Variants in CDK6 observed in about 807,000 individuals in gnomAD.
CDK6 encodes cyclin-dependent kinase 6.
Under a neutral mutation model 37.1 loss-of-function variants are expected in CDK6, and 6 were observed. That is an observed-to-expected ratio of 0.16 (90% CI 0.09 to 0.32). The LOEUF is 0.32. Among genes scored for constraint, CDK6 ranks in the 10% least tolerant of loss-of-function variants. The pLI is 1.00. For missense variants in CDK6, 224 were observed against 418.9 expected (o/e 0.53, Z 4.06); for synonymous variants, 160 against 161.3 (o/e 0.99, Z 0.06).
At chr7:92,753,099 G>A (rs1437527821) in intron 3 of CDK6, among the ~76,000 whole-genome samples, 2 of 151,858 alleles carry the variant, frequency 1.3e-5, no homozygotes, top group Admixed American at 1.3e-4. Context: ...ACCTTATTAA[G>A]TTATTAAATT....
At chr7:92,721,598 C>T (rs897750766) in intron 4 of CDK6, among the ~76,000 whole-genome samples, 1 of 152,152 alleles carries the variant, frequency 6.6e-6, no homozygotes, top group African/African-American at 2.4e-5. Context: ...CCCAATACCC[C>T]ATAAAGACAC....
intron 4 of CDK6, among the ~76,000 whole-genome samples, chr7:92,701,381 C>T (rs574862839): frequency 4.0e-5 from 6 of 151,730 alleles, no homozygotes; most frequent in Non-Finnish European, 8.8e-5. Flanking sequence ...GGGGCAATCT[C>T]TGGTTTGTGA....
chr7:92,666,799 C>T (rs752970014), intron 5 of CDK6, among the ~76,000 whole-genome samples: 21 of 152,160 alleles, frequency 1.4e-4, no homozygotes, highest in Non-Finnish European at 2.4e-4. Context: ...ATATACAGTA[C>T]ATAATATTTG....
intron 2 of CDK6, among the ~76,000 whole-genome samples, chr7:92,786,200 C>T (rs972087859): frequency 1.3e-5 from 2 of 152,198 alleles, no homozygotes; most frequent in Admixed American, 1.3e-4. Context: ...GCAGCCAAAA[C>T]TAGGCAGCCG....
intron 5 of CDK6, among the ~76,000 whole-genome samples, chr7:92,647,386 C>T (rs1255055340): frequency 1.3e-5 from 2 of 152,096 alleles, no homozygotes; most frequent in African/African-American, 4.8e-5. Flanking sequence ...AAGGAAATAA[C>T]ATTTAAGATG....
In CDK6 at chr7:92,605,130, CTCAT is replaced by C. The variant is rs1164554799; in HGVS notation, c.*10006_*10009del. Reference sequence around the variant, plus strand: ...TATACAAACTATTTGCTCTTTTTGCCTCATTCAATTTAGCTTTCACATAAGTGAA... The same window carrying C: ...TATACAAACTATTTGCTCTTTTTGCCTCAATTTAGCTTTCACATAAGTGAA... On this transcript the variant is annotated 3_prime_UTR_variant, in exon 8 of 8. Coordinates refer to ENST00000424848, the MANE Select transcript of CDK6 (RefSeq NM_001145306.2). The C allele has an allele frequency of 3.9e-5, 9 of 232,508 alleles. No homozygotes were observed. The highest frequency in any genetic ancestry group is 7.7e-5 in the Non-Finnish European group (9 of 117,602). The allele number at this position is 232,508 out of a possible 1,614,324, so 14.4% of individuals were successfully genotyped here. A position where few individuals can be genotyped will look rare whatever the true frequency, so the allele number is the denominator to read the frequency against.
At position 92,614,064 on chromosome 7, in the gene CDK6, G is replaced by C; in HGVS notation, c.*1076C>G. The C allele has an allele frequency of 4.3e-6, 1 of 233,206 alleles. No individual in the cohort carries two copies. The allele number at this position is 233,206 out of a possible 1,614,324, so 14.4% of individuals were successfully genotyped here. On this transcript the variant is annotated 3_prime_UTR_variant, in exon 8 of 8. Coordinates refer to ENST00000424848, the MANE Select transcript of CDK6 (RefSeq NM_001145306.2). ...CCAACAAGGCAGTGTGTGGCAGAAAGTACAGTGTAATAGATGAGGAAAATT... is the reference window on the plus strand; with the variant it reads ...CCAACAAGGCAGTGTGTGGCAGAAACTACAGTGTAATAGATGAGGAAAATT...
chr7:92,700,599 A>G (rs1490906660), intron 4 of CDK6, among the ~76,000 whole-genome samples: 1 of 152,192 alleles, frequency 6.6e-6, no homozygotes, highest in African/African-American at 2.4e-5. Context: ...ATTCAGAAAG[A>G]TATTTGGGTC....
intron 5 of CDK6, among the ~76,000 whole-genome samples, chr7:92,644,766 T>A (rs185816247): frequency 1.3e-5 from 2 of 152,340 alleles, no homozygotes; most frequent in East Asian, 3.9e-4. Context: ...GTTTCTTCTA[T>A]CATACAGAAG....
At chr7:92,625,294 C>A (rs1245703179) in intron 5 of CDK6, among the ~76,000 whole-genome samples, 1 of 151,078 alleles carries the variant, frequency 6.6e-6, no homozygotes, top group Non-Finnish European at 1.5e-5. Flanking sequence ...TACAGATAAT[C>A]ATGTAAAGTA....
rs558809209 is a variant in CDK6, at chr7:92,794,192, T to G, written c.234-19361A>C. ...AGCAGAAGAAATAGCTAACACTTAC[T>G]GAGTGCTTACTGTGTGTCAGACACA... On this transcript the variant is annotated intron_variant, in intron 2 of 7. Coordinates refer to ENST00000424848, the MANE Select transcript of CDK6 (RefSeq NM_001145306.2). 1.1e-4 allele frequency among the ~76,000 whole-genome samples: 17 copies of G among 152,308 alleles called. No individual in the cohort carries two copies. The South Asian group carries it at 3.5e-3, about 32-fold the overall frequency.
intron 5 of CDK6, among the ~76,000 whole-genome samples, chr7:92,651,787 T>C (rs1245240700): frequency 6.6e-6 from 1 of 150,830 alleles, no homozygotes; most frequent in African/African-American, 2.4e-5. Context: ...GGAAGAACAC[T>C]GGTGTCAGCT....
chr7:92,833,538 G>A lies in CDK6; in HGVS notation c.-215C>T, dbSNP rs1801554271. ...GCGGGGCTGGCGTAACCCTGGTGCC[G>A]CCGCCGCGAAACTCCGCCTGCAGAG... On this transcript the variant is annotated 5_prime_UTR_variant, in exon 2 of 8. Coordinates refer to ENST00000424848, the MANE Select transcript of CDK6 (RefSeq NM_001145306.2). This position sits in a 1 kb window ranked among gnomAD's most constrained non-coding sequence, Gnocchi z 6.1. The A allele has an allele frequency of 1.8e-6, 1 of 541,736 alleles. No individual in the cohort carries two copies. The highest frequency in any genetic ancestry group is 3.2e-6 in the Non-Finnish European group (1 of 312,314). The allele number at this position is 541,736 out of a possible 1,614,324, so 33.6% of individuals were successfully genotyped here.
chr7:92,803,604 G>A (rs530293304), intron 2 of CDK6, among the ~76,000 whole-genome samples: 1 of 152,318 alleles, frequency 6.6e-6, no homozygotes, highest in South Asian at 2.1e-4. Context: ...GACGGATACA[G>A]ATCACGAAGA....
intron 3 of CDK6, among the ~76,000 whole-genome samples, chr7:92,764,774 C>G (rs1359778122): frequency 6.6e-6 from 1 of 152,188 alleles, no homozygotes; most frequent in Non-Finnish European, 1.5e-5. Context: ...TTACTAGAAC[C>G]AGTAATTACT....
chr7:92,787,124 G>A (rs1487355693), intron 2 of CDK6, among the ~76,000 whole-genome samples: 4 of 149,800 alleles, frequency 2.7e-5, no homozygotes, highest in Non-Finnish European at 5.9e-5. Context: ...GGAGGTTGCC[G>A]TGAGCAGAGG....
intron 2 of CDK6, among the ~76,000 whole-genome samples, chr7:92,798,735 C>T (rs1800484366): frequency 6.6e-6 from 1 of 152,172 alleles, no homozygotes; most frequent in Non-Finnish European, 1.5e-5. Context: ...GCTTCCTCCT[C>T]TTCAACATCT....
At chr7:92,624,604 A>C (rs1201673209) in intron 5 of CDK6, among the ~76,000 whole-genome samples, 1 of 152,160 alleles carries the variant, frequency 6.6e-6, no homozygotes, top group African/African-American at 2.4e-5. Context: ...AATATAAGCC[A>C]CCTGCATATC....
At chr7:92,772,096 T>C (rs1799730291) in intron 3 of CDK6, among the ~76,000 whole-genome samples, 1 of 152,224 alleles carries the variant, frequency 6.6e-6, no homozygotes, top group Non-Finnish European at 1.5e-5. Context: ...TTTTAAATGA[T>C]TATTCAAGTT....
Sources: gnomAD v4.1 joint callset for allele counts (sites outside exome capture counted in the v4.1 genomes callset) on GRCh38, gnomAD v4.1.1 for gene constraint, Gnocchi (gnomAD v3.1) non-coding constraint, MANE v1.5 for transcripts, NCBI Gene and HGNC (gene_info 2026-07-23, HGNC 2026-07-21) for gene names.